ATRNL1: variants seen among roughly 807,000 people sequenced by gnomAD.
ATRNL1 encodes the protein attractin like 1.
A neutral mutation model predicts 182.7 loss-of-function variants in ATRNL1; 95 were observed. That is an observed-to-expected ratio of 0.52 (90% CI 0.44 to 0.62). The LOEUF (loss-of-function observed/expected upper bound fraction) is 0.62. Ranked by LOEUF, ATRNL1 falls within the 20% of genes least tolerant of loss-of-function variation. ATRNL1 has a pLI of 0.00. For synonymous variants in ATRNL1, 576 were observed against 568.3 expected (o/e 1.01, Z -0.19); for missense variants, 1,471 against 1,679.5 (o/e 0.88, Z 2.17).
Position 115,426,280 on chromosome 10 carries a change from T to G in ATRNL1, c.3300T>G (p.Asn1100Lys). 1.2e-6 allele frequency: 2 copies of G among 1,612,052 alleles called. No homozygotes were observed. Among genetic ancestry groups the G allele is most frequent in the Non-Finnish European group, 1.7e-6 (2 of 1,178,586 alleles). Residue 1100 changes from asparagine to lysine, a missense_variant, in exon 21 of 29, where the codon AAT (asparagine) becomes AAG (lysine). By Grantham distance (94) the Asn-to-Lys change is moderately conservative. Coordinates refer to ENST00000355044, the MANE Select transcript of ATRNL1 (RefSeq NM_207303.4). ...ACTCTGAAAATCGCTATGTTGGTAA[T>G]CCACTTAGAGGAACATGTTATTGTA... ...LCDSENRYVG[N>K]PLRGTCYYSL...
At chr10:115,668,097 G>GA in intron 26 of ATRNL1, among the ~76,000 whole-genome samples, 1 of 152,066 alleles carries the variant, frequency 6.6e-6, no homozygotes, top group East Asian at 1.9e-4. Flanking sequence ...ATCCACCATT[G>GA]AAAATCACAG....
At chr10:115,814,797 G>T (rs1443916634) in intron 27 of ATRNL1, among the ~76,000 whole-genome samples, 1 of 152,158 alleles carries the variant, frequency 6.6e-6, no homozygotes, top group Non-Finnish European at 1.5e-5. Flanking sequence ...TGAGACCTGA[G>T]TTTGAGTTCC....
At position 115,458,074 on chromosome 10, in the gene ATRNL1, T is replaced by C. The variant is rs1056166899; in HGVS notation, c.3323-3867T>C. ...AATAGAGTAGTTCATTAATGCAGCA[T>C]AAAAATTTATTTTCAAGTTATGTAC... On this transcript the variant is annotated intron_variant, in intron 21 of 28. Coordinates refer to ENST00000355044, the MANE Select transcript of ATRNL1 (RefSeq NM_207303.4). Among the ~76,000 whole-genome samples, 21 of 152,166 alleles carry C rather than the reference T, an allele frequency of 1.4e-4. No individual in the cohort carries two copies. In the East Asian group the frequency reaches 4.0e-3, roughly 29 times the overall value.
chr10:115,910,699 C>A (rs1455169131), intron 28 of ATRNL1, among the ~76,000 whole-genome samples: 1 of 152,158 alleles, frequency 6.6e-6, no homozygotes, highest in Non-Finnish European at 1.5e-5. Flanking sequence ...CTGGGCTGGT[C>A]ACCATAGAAA....
chr10:115,537,043 A>G (rs1298130843), intron 25 of ATRNL1, among the ~76,000 whole-genome samples: 2 of 152,250 alleles, frequency 1.3e-5, no homozygotes, highest in African/African-American at 4.8e-5. Context: ...TTTGCTAAGT[A>G]GAAACAATAA....
At position 115,470,809 on chromosome 10, in the gene ATRNL1, T is replaced by C. The variant is rs181699859; in HGVS notation, c.3654+1480T>C. Among the ~76,000 whole-genome samples the C allele has an allele frequency of 2.0e-5, 3 of 150,878 alleles. No homozygotes were observed. In the East Asian group the frequency reaches 5.8e-4, roughly 29 times the overall value. On this transcript the variant is annotated intron_variant, in intron 24 of 28. Transcript: ENST00000355044. The stretch of plus-strand genomic sequence containing the variant: ...TTGAGATGGACAAGATACGTAGGCC[T>C]AATTTCTCCTCTTTATTAAACTCAT...
intron 27 of ATRNL1, among the ~76,000 whole-genome samples, chr10:115,801,217 CCCCTGTCTCGTCTG>C (rs1555084291): frequency 5.9e-5 from 9 of 152,192 alleles, no homozygotes; most frequent in Admixed American, 5.9e-4. Flanking sequence ...ACTAGTTAAC[CCCCTGTCTCGTCTG>C]ACTTTAAATG....
At chr10:115,184,177 TA>T (rs1173922813) in intron 8 of ATRNL1, among the ~76,000 whole-genome samples, 2 of 151,414 alleles carry the variant, frequency 1.3e-5, no homozygotes, top group Non-Finnish European at 3.0e-5. Flanking sequence ...TCATTGGTAT[TA>T]AAAAAATCAC....
intron 5 of ATRNL1, among the ~76,000 whole-genome samples, chr10:115,137,877 C>T (rs1023488163): frequency 6.6e-6 from 1 of 152,154 alleles, no homozygotes; most frequent in East Asian, 1.9e-4. Context: ...CTCTAAAGTC[C>T]TAAGTCTCAT....
chr10:115,789,481 C>T (rs1949474966), intron 27 of ATRNL1, among the ~76,000 whole-genome samples: 1 of 152,076 alleles, frequency 6.6e-6, no homozygotes, highest in South Asian at 2.1e-4. Flanking sequence ...ATAATAGCAC[C>T]CTGCGCTCCT....
chr10:115,795,164 T>C (rs7895176), intron 27 of ATRNL1, among the ~76,000 whole-genome samples: 70,354 of 152,070 alleles, frequency 0.46, 18,044 homozygotes, highest in East Asian at 0.76. Context: ...GGTGTGCTCA[T>C]TGCTATTGAG....
chr10:115,309,760 T>C (rs895137356), intron 17 of ATRNL1, among the ~76,000 whole-genome samples: 46 of 152,176 alleles, frequency 3.0e-4, no homozygotes, highest in African/African-American at 1.1e-3. Context: ...TCATAGTCTT[T>C]AGGGTTTTCT....
chr10:115,597,815 G>C (rs782620022), intron 26 of ATRNL1: 2 of 321,426 alleles, frequency 6.2e-6, no homozygotes, highest in Non-Finnish European at 1.2e-5. Flanking sequence ...GATTACAGGC[G>C]TGAGCCACCG....
At chr10:115,531,334 A>G (rs1300106730) in intron 25 of ATRNL1, among the ~76,000 whole-genome samples, 3 of 151,934 alleles carry the variant, frequency 2.0e-5, no homozygotes, top group African/African-American at 7.3e-5. Flanking sequence ...CTGGTGTGAG[A>G]TGGTATCTCA....
chr10:115,622,149 C>T (rs977357048), intron 26 of ATRNL1, among the ~76,000 whole-genome samples: 3 of 152,304 alleles, frequency 2.0e-5, no homozygotes, highest in South Asian at 2.1e-4. Context: ...TCCGAAGACA[C>T]TGAGTTTATT....
intron 27 of ATRNL1, among the ~76,000 whole-genome samples, chr10:115,820,887 G>A (rs964947392): frequency 6.6e-5 from 10 of 152,132 alleles, no homozygotes; most frequent in African/African-American, 2.4e-4. Flanking sequence ...ATAATCCCCA[G>A]TGTCTAGGGC....
At chr10:115,369,896 C>A (rs1436421012) in intron 19 of ATRNL1, among the ~76,000 whole-genome samples, 2 of 152,050 alleles carry the variant, frequency 1.3e-5, no homozygotes, top group East Asian at 1.9e-4. Context: ...TTTTCATGTC[C>A]TGATATGGTT....
intron 19 of ATRNL1, among the ~76,000 whole-genome samples, chr10:115,346,660 T>C (rs1414105449): frequency 1.3e-5 from 2 of 152,196 alleles, no homozygotes; most frequent in Non-Finnish European, 2.9e-5. Flanking sequence ...TCTTTTCATA[T>C]GCTTTTTAGC....
chr10:115,512,605 C>A (rs1179663745), intron 24 of ATRNL1, among the ~76,000 whole-genome samples: 1 of 151,558 alleles, frequency 6.6e-6, no homozygotes, highest in Non-Finnish European at 1.5e-5. Flanking sequence ...ATACTGTCTA[C>A]CAACTACTGT....
Sources: gnomAD v4.1 joint callset for allele counts (sites outside exome capture counted in the v4.1 genomes callset) on GRCh38, gnomAD v4.1.1 for gene constraint, MANE v1.5 for transcripts, NCBI Gene and HGNC (gene_info 2026-07-23, HGNC 2026-07-21) for gene names.